The following PIP4K2A variants were observed in gnomAD, a reference collection of about 807,000 sequenced individuals.
PIP4K2A encodes phosphatidylinositol 5-phosphate 4-kinase type-2 alpha.
A neutral mutation model predicts 42.9 loss-of-function variants in PIP4K2A; 14 were observed. The ratio of observed to expected loss-of-function variants is 0.33; its 90% CI spans 0.22 to 0.51. The LOEUF is 0.51. PIP4K2A is among the 20% of genes least tolerant of loss of function. The pLI, the probability that PIP4K2A is intolerant of heterozygous loss-of-function variation, is 0.97. For synonymous variants in PIP4K2A, 192 were observed against 192.2 expected (o/e 1.00, Z 0.01); for missense variants, 434 against 519.8 (o/e 0.83, Z 1.61).
At position 22,550,744 on chromosome 10, in the gene PIP4K2A, T is replaced by C; in HGVS notation, c.707A>G (p.Asn236Ser). The change falls in exon 7 of 10, where the codon AAT becomes AGT. Residue 236 changes from asparagine to serine, a missense_variant. Physicochemically the swap from Asn to Ser is conservative, Grantham distance 46. Transcript: ENST00000376573. ...CTTTTGGCCCTCATTAATGAAATCA[T>C]TATCTTTCAGAGTTGGCAGTTCTTT... is the stretch of plus-strand genomic sequence containing the variant. The part of the protein sequence containing the change: ...KAKELPTLKD[N>S]DFINEGQKIY... 6.2e-7 allele frequency: 1 copy of C among 1,605,118 alleles called. No homozygotes were observed. Among genetic ancestry groups the C allele is most frequent in the Non-Finnish European group, 8.5e-7 (1 of 1,171,712 alleles).
intron 5 of PIP4K2A, among the ~76,000 whole-genome samples, chr10:22,570,825 T>C (rs1377299985): frequency 6.6e-6 from 1 of 151,296 alleles, no homozygotes; most frequent in East Asian, 1.9e-4. Flanking sequence ...TGGGTATTAG[T>C]AGTGTTTGTG....
intron 6 of PIP4K2A, among the ~76,000 whole-genome samples, chr10:22,558,337 A>G (rs1836603071): frequency 4.6e-5 from 7 of 152,236 alleles, no homozygotes; most frequent in Admixed American, 2.0e-4. Context: ...CATAATTCAC[A>G]AGTATTTCTA....
intron 1 of PIP4K2A, among the ~76,000 whole-genome samples, chr10:22,632,452 C>G (rs1401031867): frequency 6.6e-6 from 1 of 152,158 alleles, no homozygotes; most frequent in African/African-American, 2.4e-5. Context: ...CATTGTTTTT[C>G]TCCCTAATAA....
At chr10:22,606,208 C>T (rs561620606) in intron 3 of PIP4K2A, among the ~76,000 whole-genome samples, 52 of 151,870 alleles carry the variant, frequency 3.4e-4, no homozygotes, top group African/African-American at 1.2e-3. Flanking sequence ...CTACTCTGGA[C>T]GCTGAGGTCG....
At chr10:22,564,162 C>T (rs752984497) in intron 6 of PIP4K2A, among the ~76,000 whole-genome samples, 8 of 152,140 alleles carry the variant, frequency 5.3e-5, no homozygotes, top group African/African-American at 1.7e-4. Context: ...AACAGCGGAA[C>T]GGAAGATAGG....
At chr10:22,702,701 T>C (rs980538959) in intron 1 of PIP4K2A, among the ~76,000 whole-genome samples, 1 of 152,166 alleles carries the variant, frequency 6.6e-6, no homozygotes, top group African/African-American at 2.4e-5. Context: ...TAAAATGCTC[T>C]ATGCTTGATT....
intron 1 of PIP4K2A, among the ~76,000 whole-genome samples, chr10:22,633,001 G>A (rs1158749359): frequency 2.0e-5 from 3 of 152,032 alleles, no homozygotes; most frequent in Non-Finnish European, 4.4e-5. Context: ...TTTATTTAAG[G>A]CTTAGTATAC....
Position 22,688,483 on chromosome 10 carries a change from T to A in PIP4K2A, c.144+25700A>T, listed in dbSNP as rs571832117. Among the ~76,000 whole-genome samples, 181 of 152,266 alleles carry A rather than the reference T, an allele frequency of 1.2e-3. 1 individual carries two copies. The highest frequency in any genetic ancestry group is 2.2e-3 in the Non-Finnish European group (151 of 68,022). On this transcript the variant is annotated intron_variant, in intron 1 of 9. Coordinates refer to ENST00000376573, the MANE Select transcript of PIP4K2A (RefSeq NM_005028.5). ...TGATTGACTGATTAAGACAGGGTCT[T>A]CCTCTGTCGCCCAGGCTGGAGTACA... is the stretch of plus-strand genomic sequence containing the variant.
intron 2 of PIP4K2A, among the ~76,000 whole-genome samples, chr10:22,608,381 C>T (rs1346910242): frequency 6.6e-6 from 1 of 152,118 alleles, no homozygotes; most frequent in Admixed American, 6.5e-5. Flanking sequence ...GAAGAGGCAG[C>T]GGAGCAAGGT....
intron 9 of PIP4K2A, among the ~76,000 whole-genome samples, chr10:22,538,721 G>A (rs988716850): frequency 6.6e-6 from 1 of 152,156 alleles, no homozygotes; most frequent in African/African-American, 2.4e-5. Context: ...CACCTGGTGC[G>A]GATGTTTGTT....
At chr10:22,708,699 C>T (rs1588719418) in intron 1 of PIP4K2A, among the ~76,000 whole-genome samples, 1 of 152,166 alleles carries the variant, frequency 6.6e-6, no homozygotes, top group South Asian at 2.1e-4. Context: ...GGACCTGCAG[C>T]ATCAGTACCA....
intron 1 of PIP4K2A, among the ~76,000 whole-genome samples, chr10:22,672,497 A>G (rs748303756): frequency 1.3e-5 from 2 of 152,222 alleles, no homozygotes; most frequent in Non-Finnish European, 2.9e-5. Context: ...TTAAATTACA[A>G]TACTTGAATG....
intron 5 of PIP4K2A, 73 bp from the exon 6 acceptor site, chr10:22,567,962 G>A: frequency 7.4e-7 from 1 of 1,350,830 alleles, no homozygotes; most frequent in East Asian, 2.3e-5. Flanking sequence ...ATATGAAAAT[G>A]GCTCCAGGCG....
intron 3 of PIP4K2A, among the ~76,000 whole-genome samples, chr10:22,606,821 T>G (rs1439797960): frequency 6.6e-6 from 1 of 152,226 alleles, no homozygotes; most frequent in Non-Finnish European, 1.5e-5. Flanking sequence ...CTGAGCATCC[T>G]TTATTTGAAA....
chr10:22,542,312 T>TGGCTGGGTTTTACCAGATAGCAA (rs1554792631), intron 7 of PIP4K2A, among the ~76,000 whole-genome samples: 14 of 151,752 alleles, frequency 9.2e-5, no homozygotes, highest in Admixed American at 9.2e-4. Context: ...TATCACAGGG[T>TGGCTGGGTTTTACCAGATAGCAA]GGCTGGATTT....
chr10:22,579,935 A>T (rs1258858014), intron 4 of PIP4K2A, among the ~76,000 whole-genome samples: 6 of 151,782 alleles, frequency 4.0e-5, no homozygotes, highest in African/African-American at 1.5e-4. Context: ...AAAAGAAAAA[A>T]GAAAAAAAAA....
chr10:22,612,790 A>T (rs1838083876), intron 1 of PIP4K2A, among the ~76,000 whole-genome samples: 1 of 152,180 alleles, frequency 6.6e-6, no homozygotes. Flanking sequence ...TGAGCTTGTT[A>T]AACTTCATGC....
At chr10:22,548,363 T>C (rs1326877614) in intron 7 of PIP4K2A, among the ~76,000 whole-genome samples, 2 of 152,218 alleles carry the variant, frequency 1.3e-5, no homozygotes, top group Non-Finnish European at 2.9e-5. Context: ...GCTAAGAGGA[T>C]CCTTCTGTAA....
At chr10:22,573,502 G>A (rs200441361) in intron 4 of PIP4K2A, 45 bp from the exon 5 acceptor site, 51 of 1,553,298 alleles carry the variant, frequency 3.3e-5, no homozygotes, top group Non-Finnish European at 4.3e-5. Context: ...CCAATCAAAA[G>A]ATTGCTTCCT....
Sources: gnomAD v4.1 joint callset for allele counts (sites outside exome capture counted in the v4.1 genomes callset) on GRCh38, gnomAD v4.1.1 for gene constraint, MANE v1.5 for transcripts, NCBI Gene and HGNC (gene_info 2026-07-23, HGNC 2026-07-21) for gene names.